The following GRAMD1B variants were observed in gnomAD, a reference collection of about 807,000 sequenced individuals.
GRAMD1B encodes GRAM domain containing 1B.
A neutral mutation model predicts 99.7 loss-of-function variants in GRAMD1B; 37 were observed. The ratio of observed to expected loss-of-function variants is 0.37; its 90% confidence interval spans 0.29 to 0.49. The LOEUF is 0.49. Among genes scored for constraint, GRAMD1B ranks in the 20% least tolerant of loss-of-function variants. The pLI is 0.98. For synonymous variants in GRAMD1B, 427 were observed against 387.6 expected (o/e 1.10, Z -1.19); for missense variants, 888 against 1,009.2 (o/e 0.88, Z 1.63).
chr11:123,374,687 C>T (rs1946635618), intron 1 of GRAMD1B, among the ~76,000 whole-genome samples: 1 of 152,250 alleles, frequency 6.6e-6, no homozygotes, highest in African/African-American at 2.4e-5. Flanking sequence ...GCTTTTATTT[C>T]TAGCTCACTT....
chr11:123,557,099 C>T (rs1946259297), intron 2 of GRAMD1B, among the ~76,000 whole-genome samples: 2 of 152,182 alleles, frequency 1.3e-5, no homozygotes, highest in Admixed American at 1.3e-4. Flanking sequence ...GTTTTGTCAT[C>T]TGAGAAATGG....
At chr11:123,608,362 A>G in intron 11 of GRAMD1B, 1 of 756,006 alleles carries the variant, frequency 1.3e-6, no homozygotes, top group Non-Finnish European at 2.1e-6. Context: ...TCTAAGATCA[A>G]CTGAATTAGG....
At chr11:123,547,015 C>G in intron 2 of GRAMD1B, among the ~76,000 whole-genome samples, 1 of 152,152 alleles carries the variant, frequency 6.6e-6, no homozygotes, top group African/African-American at 2.4e-5. Flanking sequence ...ATTTGGTTAC[C>G]TAGTTAAGAA....
At chr11:123,560,455 GC>G (rs1438187504) in intron 2 of GRAMD1B, 7 of 1,196,748 alleles carry the variant, frequency 5.8e-6, no homozygotes, top group Non-Finnish European at 7.4e-6. Flanking sequence ...GCAAAGAAGC[GC>G]CCCCAGCTTC....
chr11:123,445,541 C>T (rs1462867533), intron 1 of GRAMD1B, among the ~76,000 whole-genome samples: 4 of 151,986 alleles, frequency 2.6e-5, no homozygotes, highest in African/African-American at 4.8e-5. Context: ...TGGGGCCTGG[C>T]GCAGTGGCTT....
intron 2 of GRAMD1B, among the ~76,000 whole-genome samples, chr11:123,516,603 A>G (rs1235040515): frequency 6.6e-6 from 1 of 152,210 alleles, no homozygotes; most frequent in Non-Finnish European, 1.5e-5. Flanking sequence ...AGACTAATCA[A>G]GAAATATCAC....
At chr11:123,618,517 T>C (rs1172353282) in intron 17 of GRAMD1B, among the ~76,000 whole-genome samples, 176 bp from the exon 18 acceptor site, 2 of 152,068 alleles carry the variant, frequency 1.3e-5, no homozygotes, top group Non-Finnish European at 2.9e-5. Context: ...TCCTGGCCCA[T>C]CCAGATTAGG....
At chr11:123,573,140 G>A (rs1164857763) in intron 2 of GRAMD1B, among the ~76,000 whole-genome samples, 2 of 152,004 alleles carry the variant, frequency 1.3e-5, no homozygotes, top group African/African-American at 4.8e-5. Context: ...CTGGGGCAGG[G>A]GCGCAGGTAG....
intron 1 of GRAMD1B, among the ~76,000 whole-genome samples, chr11:123,360,464 TCTG>T (rs1219371714): frequency 6.6e-6 from 1 of 152,214 alleles, no homozygotes; most frequent in East Asian, 1.9e-4. Context: ...GATGAAGAGT[TCTG>T]CTGGGCGTCA....
intron 1 of GRAMD1B, among the ~76,000 whole-genome samples, chr11:123,384,247 C>A (rs1035449825): frequency 2.6e-4 from 39 of 152,308 alleles, no homozygotes; most frequent in African/African-American, 9.1e-4. Flanking sequence ...CAACCCCCTG[C>A]AGATTTGTTT....
intron 1 of GRAMD1B, among the ~76,000 whole-genome samples, chr11:123,478,085 C>T (rs952770590): frequency 6.6e-6 from 1 of 152,208 alleles, no homozygotes; most frequent in Non-Finnish European, 1.5e-5. Flanking sequence ...AACCACCACA[C>T]CCAGCCTCTT....
At chr11:123,487,206 A>G (rs544389574) in intron 2 of GRAMD1B, among the ~76,000 whole-genome samples, 51 of 152,340 alleles carry the variant, frequency 3.3e-4, no homozygotes, top group African/African-American at 1.2e-3. Context: ...ATTAGAGTTT[A>G]GGAAAACCAA....
Position 123,413,645 on chromosome 11 carries a change from C to T in GRAMD1B, c.-176+54846C>T, listed in dbSNP as rs143345104. On this transcript the variant is annotated intron_variant, in intron 1 of 20. Coordinates refer to the GRAMD1B transcript ENST00000638157. Reference sequence around the variant, plus strand: ...CATGAGGTACCTTCAAATCCTTCAACCCATAGGTCTTCGCCTGAGGAGTAG... The same window carrying T: ...CATGAGGTACCTTCAAATCCTTCAATCCATAGGTCTTCGCCTGAGGAGTAG... 6.8e-3 allele frequency among the ~76,000 whole-genome samples: 1,037 copies of T among 152,228 alleles called. 17 individuals are homozygous for T. Among genetic ancestry groups the T allele is most frequent in the African/African-American group, 0.024 (996 of 41,532 alleles).
chr11:123,381,415 T>C (rs1946869464), intron 1 of GRAMD1B: 1 of 154,364 alleles, frequency 6.5e-6, no homozygotes, highest in African/African-American at 2.4e-5. Flanking sequence ...GGTCCCAAAT[T>C]ACCAGCATTG....
chr11:123,454,803 A>T (rs1442073595), intron 1 of GRAMD1B: 1 of 152,192 alleles, frequency 6.6e-6, no homozygotes, highest in East Asian at 1.9e-4. Context: ...TTCTTAGAAA[A>T]GTCTGAGGTT....
intron 17 of GRAMD1B, among the ~76,000 whole-genome samples, chr11:123,616,644 G>A (rs923135848): frequency 5.9e-5 from 9 of 152,256 alleles, no homozygotes; most frequent in African/African-American, 1.7e-4. Context: ...CAGCCTACAC[G>A]TGGGACGGGC....
chr11:123,513,819 G>A (rs1039629095), intron 2 of GRAMD1B, among the ~76,000 whole-genome samples: 9 of 151,606 alleles, frequency 5.9e-5, no homozygotes, highest in Non-Finnish European at 1.3e-4. Flanking sequence ...ACCACACTTG[G>A]CTAATTTTTT....
intron 8 of GRAMD1B, among the ~76,000 whole-genome samples, chr11:123,601,722 A>G (rs1384624760): frequency 6.6e-6 from 1 of 152,174 alleles, no homozygotes; most frequent in Non-Finnish European, 1.5e-5. Context: ...CTCTGCCTTC[A>G]CTTGCCATCA....
At chr11:123,523,196 G>T (rs137863618) in intron 2 of GRAMD1B, among the ~76,000 whole-genome samples, 1 of 152,100 alleles carries the variant, frequency 6.6e-6, no homozygotes, top group African/African-American at 2.4e-5. Flanking sequence ...ACCGGGCATC[G>T]TGGTGCGTGC....
Sources: allele counts gnomAD v4.1 joint callset (sites outside exome capture counted in the v4.1 genomes callset), GRCh38; gene constraint gnomAD v4.1.1; transcripts MANE v1.5; gene names NCBI Gene and HGNC (gene_info 2026-07-23, HGNC 2026-07-21).